Variants in ZNF521 observed in about 807,000 individuals in gnomAD.
ZNF521 encodes LYST-interacting protein 3.
ZNF521 carries 14 observed loss-of-function variants against 105.5 expected under a neutral mutation model. The observed-to-expected ratio is 0.13, with a 90% CI of 0.09 to 0.21. ZNF521 has a LOEUF of 0.21. Ranked by LOEUF, ZNF521 falls within the 10% of genes least tolerant of loss-of-function variation. The pLI is 1.00. For synonymous variants in ZNF521, 635 were observed against 606.0 expected (o/e 1.05, Z -0.70); for missense variants, 1,233 against 1,629.7 (o/e 0.76, Z 4.19).
intron 3 of ZNF521, among the ~76,000 whole-genome samples, chr18:25,239,593 G>A (rs1907165625): frequency 6.6e-6 from 1 of 152,186 alleles, no homozygotes; most frequent in African/African-American, 2.4e-5. Flanking sequence ...CCTATATTCA[G>A]CAATACTTTC....
At chr18:25,147,011 C>T (rs12959390) in intron 5 of ZNF521, among the ~76,000 whole-genome samples, 22,645 of 152,022 alleles carry the variant, frequency 0.15, 1,781 homozygotes, top group Middle Eastern at 0.23. Flanking sequence ...ATAGGATACA[C>T]GACCACAGGG....
intron 3 of ZNF521, among the ~76,000 whole-genome samples, chr18:25,273,993 A>C (rs1479001971): frequency 6.6e-6 from 1 of 152,206 alleles, no homozygotes; most frequent in Admixed American, 6.5e-5. Context: ...GAGGGCCAGA[A>C]AAATTAAACA....
chr18:25,103,863 A>G (rs2034019245), intron 5 of ZNF521, among the ~76,000 whole-genome samples: 1 of 151,822 alleles, frequency 6.6e-6, no homozygotes, highest in Admixed American at 6.6e-5. Context: ...AAGACAAAAG[A>G]CTCGTGGTAA....
chr18:25,154,450 G>A (rs537375613), intron 5 of ZNF521, among the ~76,000 whole-genome samples: 1 of 152,252 alleles, frequency 6.6e-6, no homozygotes, highest in South Asian at 2.1e-4. Context: ...ATGGTTCTAA[G>A]GAACCATCAG....
intron 2 of ZNF521, among the ~76,000 whole-genome samples, chr18:25,349,496 G>C (rs981676647): frequency 1.3e-5 from 2 of 152,208 alleles, no homozygotes; most frequent in South Asian, 2.1e-4. Flanking sequence ...GTTCCAATCT[G>C]CGAGGCCCTC....
chr18:25,194,583 T>G (rs1263359419), intron 5 of ZNF521, among the ~76,000 whole-genome samples: 2 of 151,712 alleles, frequency 1.3e-5, no homozygotes, highest in African/African-American at 4.8e-5. Context: ...CCAAACTACT[T>G]TTATTAAAAT....
chr18:25,284,258 G>GAC (rs1293775015), intron 3 of ZNF521, among the ~76,000 whole-genome samples: 1 of 152,020 alleles, frequency 6.6e-6, no homozygotes, highest in Non-Finnish European at 1.5e-5. Flanking sequence ...ATACAACAAT[G>GAC]ACACTCCCAC....
chr18:25,184,466 T>C (rs1281233918), intron 5 of ZNF521, among the ~76,000 whole-genome samples: 2 of 152,194 alleles, frequency 1.3e-5, no homozygotes, highest in Non-Finnish European at 2.9e-5. Flanking sequence ...CTTTTGAAAA[T>C]GTCTTGTGGT....
At chr18:25,092,326 A>T (rs2033763808) in intron 5 of ZNF521, among the ~76,000 whole-genome samples, 1 of 152,232 alleles carries the variant, frequency 6.6e-6, no homozygotes, top group Non-Finnish European at 1.5e-5. Flanking sequence ...GCATTTTATT[A>T]CACTTTTAAA....
At chr18:25,246,698 T>C (rs560736490) in intron 3 of ZNF521, among the ~76,000 whole-genome samples, 1 of 152,240 alleles carries the variant, frequency 6.6e-6, no homozygotes, top group Admixed American at 6.5e-5. Context: ...ACATTGCTAA[T>C]ATGTTACCTT....
At chr18:25,279,852 G>A (rs548369842) in intron 3 of ZNF521, among the ~76,000 whole-genome samples, 1 of 152,260 alleles carries the variant, frequency 6.6e-6, no homozygotes, top group South Asian at 2.1e-4. Flanking sequence ...AATAAATGTA[G>A]GCAATGTTGA....
At chr18:25,196,376 A>G (rs756812070) in intron 4 of ZNF521, among the ~76,000 whole-genome samples, 1 of 151,694 alleles carries the variant, frequency 6.6e-6, no homozygotes, top group Non-Finnish European at 1.5e-5. Flanking sequence ...TGTAAGTTAC[A>G]ATCAATTTTA....
At position 25,138,683 on chromosome 18, in the gene ZNF521, T is replaced by G. The variant is rs573898094; in HGVS notation, c.3659-46602A>C. 2.0e-5 allele frequency among the ~76,000 whole-genome samples: 3 copies of G among 152,166 alleles called. No homozygotes were observed. The South Asian group carries it at 6.2e-4, about 32-fold the overall frequency. Reference sequence around the variant, plus strand: ...TGACAGATCTTTCATACTTTTCAAATTATAATAATTTTGTCCTGGAAGAGC... The same window carrying G: ...TGACAGATCTTTCATACTTTTCAAAGTATAATAATTTTGTCCTGGAAGAGC... On this transcript the variant is annotated intron_variant, in intron 5 of 7. Coordinates refer to ENST00000361524, the MANE Select transcript of ZNF521 (RefSeq NM_015461.3).
At position 25,224,462 on chromosome 18, in the gene ZNF521, T is replaced by C. The variant is rs773145096; in HGVS notation, c.3456A>G (p.Glu1152=). The part of the protein sequence containing the change: ...SCNVKFESES[E]LQNHIQTIHR... Reference sequence around the variant, plus strand: ...GGATGGTTTGGATGTGGTTCTGGAGTTCACTTTCAGACTCAAACTTAACGT... The same window carrying C: ...GGATGGTTTGGATGTGGTTCTGGAGCTCACTTTCAGACTCAAACTTAACGT... Residue 1152 remains glutamate, a synonymous_variant, in exon 4 of 8, where the codon GAA becomes GAG. Coordinates refer to ENST00000361524, the MANE Select transcript of ZNF521 (RefSeq NM_015461.3). 6.2e-7 allele frequency: 1 copy of C among 1,614,002 alleles called. No individual in the cohort carries two copies. The highest frequency in any genetic ancestry group is 1.1e-5 in the South Asian group (1 of 91,066).
intron 3 of ZNF521, among the ~76,000 whole-genome samples, chr18:25,319,341 C>T (rs1229615770): frequency 1.3e-5 from 2 of 152,152 alleles, no homozygotes; most frequent in African/African-American, 4.8e-5. Context: ...TGCCTATAAT[C>T]CCAACACTTT....
At chr18:25,065,477 C>T (rs2033031793) in intron 7 of ZNF521, among the ~76,000 whole-genome samples, 1 of 152,070 alleles carries the variant, frequency 6.6e-6, no homozygotes, top group Admixed American at 6.5e-5. Context: ...ACTTGGGTTG[C>T]ATCCCCAAGA....
intron 3 of ZNF521, among the ~76,000 whole-genome samples, chr18:25,291,618 G>A (rs867940259): frequency 2.0e-5 from 3 of 152,204 alleles, no homozygotes; most frequent in Middle Eastern, 3.4e-3. Context: ...TCAGCTCTCT[G>A]GGTTTTGCAT....
At chr18:25,077,028 C>A (rs1033270140) in intron 7 of ZNF521, among the ~76,000 whole-genome samples, 1 of 152,196 alleles carries the variant, frequency 6.6e-6, no homozygotes, top group African/African-American at 2.4e-5. Flanking sequence ...ACAAATCCTA[C>A]CCAGCCCTGT....
chr18:25,164,111 C>A (rs937358558), intron 5 of ZNF521, among the ~76,000 whole-genome samples: 4 of 152,224 alleles, frequency 2.6e-5, no homozygotes, highest in Non-Finnish European at 4.4e-5. Flanking sequence ...GAAAGTGAAG[C>A]TAACAATTGG....
Sources: allele counts gnomAD v4.1 joint callset (sites outside exome capture counted in the v4.1 genomes callset), GRCh38; gene constraint gnomAD v4.1.1; transcripts MANE v1.5; gene names NCBI Gene and HGNC (gene_info 2026-07-23, HGNC 2026-07-21).